ROBO1: variants seen among roughly 807,000 people sequenced by gnomAD.
ROBO1 encodes roundabout homolog 1.
In ROBO1, 149 loss-of-function variants were observed where a neutral mutation model predicts 195.9. The ratio of observed to expected loss-of-function variants is 0.76; its 90% CI spans 0.67 to 0.87. The LOEUF (loss-of-function observed/expected upper bound fraction) is 0.87, where lower values mean the gene tolerates loss of function less well. ROBO1 is among the 40% of genes least tolerant of loss of function. ROBO1 has a pLI of 0.00. For missense variants in ROBO1, 1,933 were observed against 2,068.3 expected (o/e 0.93, Z 1.27); for synonymous variants, 816 against 733.2 (o/e 1.11, Z -1.82).
chr3:78,742,853 T>A (rs1036457733), intron 5 of ROBO1, among the ~76,000 whole-genome samples: 2 of 152,174 alleles, frequency 1.3e-5, no homozygotes, highest in African/African-American at 2.4e-5. Flanking sequence ...ACTGATGGCG[T>A]GGGGGAACTG....
At chr3:78,869,564 T>C (rs1363179724) in intron 4 of ROBO1, among the ~76,000 whole-genome samples, 1 of 152,074 alleles carries the variant, frequency 6.6e-6, no homozygotes, top group Non-Finnish European at 1.5e-5. Flanking sequence ...TCTCAAACAA[T>C]CCTTCTCCTT....
chr3:78,682,302 A>G (rs2107801036), intron 10 of ROBO1, among the ~76,000 whole-genome samples: 1 of 151,944 alleles, frequency 6.6e-6, no homozygotes, highest in East Asian at 1.9e-4. Flanking sequence ...ATATATATTG[A>G]AAAAAAGACA....
intron 2 of ROBO1, among the ~76,000 whole-genome samples, chr3:79,197,865 C>T (rs1239576120): frequency 6.7e-5 from 10 of 148,760 alleles, no homozygotes; most frequent in Middle Eastern, 3.4e-3. Context: ...TCATATCCTT[C>T]GCCCATTTTT....
chr3:79,559,899 AGAGT>A (rs1328261758), intron 2 of ROBO1, among the ~76,000 whole-genome samples: 1 of 152,082 alleles, frequency 6.6e-6, no homozygotes, highest in Non-Finnish European at 1.5e-5. Flanking sequence ...CCTGGGTGAG[AGAGT>A]GAGACTCTAT....
chr3:78,823,575 C>A (rs2031258376), intron 4 of ROBO1, among the ~76,000 whole-genome samples: 1 of 152,180 alleles, frequency 6.6e-6, no homozygotes, highest in Admixed American at 6.5e-5. Context: ...TGCAAACCTG[C>A]AAGAAGAGGA....
chr3:78,907,750 A>G (rs939931910), intron 4 of ROBO1, among the ~76,000 whole-genome samples: 1 of 152,064 alleles, frequency 6.6e-6, no homozygotes, highest in African/African-American at 2.4e-5. Context: ...ATAGAAAGTA[A>G]TATCAGGTCT....
chr3:79,393,921 A>C, intron 2 of ROBO1, among the ~76,000 whole-genome samples: 1 of 152,112 alleles, frequency 6.6e-6, no homozygotes, highest in East Asian at 1.9e-4. Context: ...TAGAAACTTA[A>C]GTGAATAGAA....
chr3:79,678,082 A>G (rs1460935841), intron 1 of ROBO1, among the ~76,000 whole-genome samples: 2 of 152,100 alleles, frequency 1.3e-5, no homozygotes, highest in African/African-American at 4.8e-5. Flanking sequence ...GAGGCAATAT[A>G]ATAGCAGGGT....
intron 24 of ROBO1, among the ~76,000 whole-genome samples, chr3:78,632,100 A>T (rs564503422): frequency 1.3e-5 from 2 of 152,124 alleles, no homozygotes; most frequent in African/African-American, 4.8e-5. Flanking sequence ...CCCCTTTCCA[A>T]TATGTTATAT....
At position 79,328,656 on chromosome 3, in the gene ROBO1, C is replaced by T. The variant is rs180909748; in HGVS notation, c.89-203117G>A. ...AAAAATTTCAATAGTTTTGGGGGAACATGGGTTTTTTTGGCTATATGGGTA... is the reference window on the plus strand; with the variant it reads ...AAAAATTTCAATAGTTTTGGGGGAATATGGGTTTTTTTGGCTATATGGGTA... On this transcript the variant is annotated intron_variant, in intron 2 of 30. Coordinates refer to ENST00000464233, the MANE Select transcript of ROBO1 (RefSeq NM_002941.4). 2.9e-3 allele frequency among the ~76,000 whole-genome samples: 447 copies of T among 152,040 alleles called. 3 individuals are homozygous for T. The highest frequency in any genetic ancestry group is 2.5e-3 in the Non-Finnish European group (172 of 67,970).
chr3:79,147,339 G>T (rs1037953473), intron 2 of ROBO1, among the ~76,000 whole-genome samples: 3 of 151,822 alleles, frequency 2.0e-5, no homozygotes, highest in Admixed American at 6.6e-5. Flanking sequence ...CTACAAAACT[G>T]GCCACTTTTT....
intron 3 of ROBO1, among the ~76,000 whole-genome samples, chr3:78,968,107 T>G (rs1304952322): frequency 2.0e-5 from 3 of 152,130 alleles, no homozygotes; most frequent in African/African-American, 7.2e-5. Flanking sequence ...ATCTGCAAGT[T>G]TTATTTGTTA....
intron 21 of ROBO1, among the ~76,000 whole-genome samples, chr3:78,644,295 C>T (rs1482473406): frequency 6.6e-6 from 1 of 152,062 alleles, no homozygotes; most frequent in South Asian, 2.1e-4. Flanking sequence ...TTATTCATCT[C>T]GCATTTCCGC....
At chr3:79,467,988 A>T (rs1938062012) in intron 2 of ROBO1, among the ~76,000 whole-genome samples, 1 of 152,178 alleles carries the variant, frequency 6.6e-6, no homozygotes, top group African/African-American at 2.4e-5. Flanking sequence ...CAGCACAAAC[A>T]GCCAAAGGGT....
Position 79,098,105 on chromosome 3 carries a change from C to T in ROBO1, c.172+27351G>A, listed in dbSNP as rs144525463. On this transcript the variant is annotated intron_variant, in intron 3 of 30. Coordinates refer to ENST00000464233, the MANE Select transcript of ROBO1 (RefSeq NM_002941.4). ...GATGACTGAGAACCAAAAAAGAATG[C>T]CTGTTCATTCTCGTATTCTTTTGTG... is the stretch of plus-strand genomic sequence containing the variant. Among the ~76,000 whole-genome samples the T allele has an allele frequency of 5.3e-3, 800 of 151,780 alleles. 4 individuals carry two copies. The highest frequency in any genetic ancestry group is 8.2e-3 in the Non-Finnish European group (558 of 67,804).
At position 79,293,861 on chromosome 3, in the gene ROBO1, A is replaced by G. The variant is rs561352218; in HGVS notation, c.89-168322T>C. 1.6e-4 allele frequency among the ~76,000 whole-genome samples: 24 copies of G among 151,804 alleles called. No individual in the cohort carries two copies. In the East Asian group the frequency reaches 3.5e-3, roughly 22 times the overall value. On this transcript the variant is annotated intron_variant, in intron 2 of 30. Coordinates refer to ENST00000464233, the MANE Select transcript of ROBO1 (RefSeq NM_002941.4). The stretch of plus-strand genomic sequence containing the variant: ...ATCACGAGGTCAGGAGATCGAGACC[A>G]TCCTGGCTAACACGGTGAAACCCCG...
chr3:79,024,466 T>C (rs1313158273), intron 3 of ROBO1, among the ~76,000 whole-genome samples: 2 of 152,306 alleles, frequency 1.3e-5, no homozygotes, highest in East Asian at 3.9e-4. Flanking sequence ...AGAGATGATG[T>C]TGAGATTACA....
At chr3:79,609,979 G>A (rs1944605324) in intron 1 of ROBO1, among the ~76,000 whole-genome samples, 1 of 151,754 alleles carries the variant, frequency 6.6e-6, no homozygotes, top group South Asian at 2.1e-4. Context: ...AACTGTATAG[G>A]TAAAGATGGT....
At chr3:79,667,996 CA>C (rs1222359466) in intron 1 of ROBO1, among the ~76,000 whole-genome samples, 1 of 151,764 alleles carries the variant, frequency 6.6e-6, no homozygotes, top group African/African-American at 2.4e-5. Flanking sequence ...CAATTACAAT[CA>C]AGAAATATTT....
Sources: gnomAD v4.1 joint callset for allele counts (sites outside exome capture counted in the v4.1 genomes callset) on GRCh38, gnomAD v4.1.1 for gene constraint, MANE v1.5 for transcripts, NCBI Gene and HGNC (gene_info 2026-07-23, HGNC 2026-07-21) for gene names.